SGCZ: variants seen among roughly 807,000 people sequenced by gnomAD.
The protein encoded by SGCZ is sarcoglycan zeta.
In SGCZ, 40 loss-of-function variants were observed where a neutral mutation model predicts 41.3. The ratio of observed to expected loss-of-function variants is 0.97; its 90% CI spans 0.75 to 1.26. The LOEUF (loss-of-function observed/expected upper bound fraction) is 1.26. Ranked by LOEUF, SGCZ falls within the 50% of genes most tolerant of loss-of-function variation. The pLI is 0.00. For missense variants in SGCZ, 552 were observed against 369.8 expected (o/e 1.49, Z -4.04); for synonymous variants, 206 against 137.5 (o/e 1.50, Z -3.49).
intron 4 of SGCZ, among the ~76,000 whole-genome samples, chr8:14,214,801 T>A (rs1178040102): frequency 3.9e-5 from 6 of 152,068 alleles, no homozygotes; most frequent in Middle Eastern, 3.4e-3. Context: ...ATTTTAGAAA[T>A]CCACTAAGAT....
At chr8:14,272,072 T>G (rs1800084353) in intron 3 of SGCZ, among the ~76,000 whole-genome samples, 2 of 152,160 alleles carry the variant, frequency 1.3e-5, no homozygotes, top group South Asian at 4.1e-4. Flanking sequence ...GGCACAATCT[T>G]GGCTCACTGC....
rs746163558 is a variant in SGCZ, at chr8:14,102,443, C to T, written c.677G>A (p.Ser226Asn). 6.6e-7 allele frequency: 1 copy of T among 1,525,384 alleles called. No homozygotes were observed. Among genetic ancestry groups the T allele is most frequent in the South Asian group, 1.3e-5 (1 of 78,552 alleles). 94.5% of individuals were successfully genotyped at this position (1,525,384 alleles called of 1,614,324 possible). Residue 226 changes from serine to asparagine, a missense_variant, in exon 7 of 8, where the codon AGT (serine) becomes AAT (asparagine). Ser to Asn is a conservative substitution (Grantham distance 46). Coordinates refer to ENST00000382080, the MANE Select transcript of SGCZ (RefSeq NM_139167.4). ...GGCCTTGAAGTCTCCTGCAGCAGCA[C>T]TCACCTGGACCCCACGGGGAGCTTC... ...IMEAPRGVQV[S>N]AAAGDFKATC...
At chr8:14,846,611 A>T (rs1206337503) in intron 1 of SGCZ, among the ~76,000 whole-genome samples, 1 of 151,574 alleles carries the variant, frequency 6.6e-6, no homozygotes, top group African/African-American at 2.4e-5. Flanking sequence ...AAAAATACAT[A>T]CTACTTAAAA....
At chr8:14,954,706 A>G (rs1018582723) in intron 1 of SGCZ, among the ~76,000 whole-genome samples, 1 of 152,132 alleles carries the variant, frequency 6.6e-6, no homozygotes, top group African/African-American at 2.4e-5. Context: ...GAATCTTCCT[A>G]AAACCTCAGA....
chr8:14,503,739 G>A (rs922467219), intron 2 of SGCZ, among the ~76,000 whole-genome samples: 1 of 152,122 alleles, frequency 6.6e-6, no homozygotes, highest in African/African-American at 2.4e-5. Flanking sequence ...CTGCACTCCA[G>A]CCTGGTGACA....
Position 14,619,387 on chromosome 8 carries a change from G to A in SGCZ, c.40-64461C>T, listed in dbSNP as rs534563857. Among the ~76,000 whole-genome samples the A allele has an allele frequency of 2.6e-3, 395 of 152,222 alleles. 2 individuals are homozygous for A. Among genetic ancestry groups the A allele is most frequent in the Non-Finnish European group, 4.8e-3 (325 of 68,018 alleles). On this transcript the variant is annotated intron_variant, in intron 1 of 7. Coordinates refer to ENST00000382080, the MANE Select transcript of SGCZ (RefSeq NM_139167.4). ...CCCTTTGAAAACTGGCACAAGACAC[G>A]GATGCCCTCTCTCACCACTCCTATT...
chr8:14,717,580 G>A (rs1299962576), intron 1 of SGCZ, among the ~76,000 whole-genome samples: 1 of 152,008 alleles, frequency 6.6e-6, no homozygotes, highest in Non-Finnish European at 1.5e-5. Context: ...CAGCTTCATG[G>A]GTATGCAAAC....
chr8:14,767,585 T>C (rs1031392905), intron 1 of SGCZ, among the ~76,000 whole-genome samples: 2 of 152,248 alleles, frequency 1.3e-5, no homozygotes, highest in African/African-American at 4.8e-5. Flanking sequence ...TAAATCTTCC[T>C]CTCTGCTTTC....
intron 2 of SGCZ, among the ~76,000 whole-genome samples, chr8:14,487,334 A>T (rs995720096): frequency 1.2e-4 from 18 of 152,186 alleles, no homozygotes; most frequent in African/African-American, 4.1e-4. Context: ...GTTGATTTTT[A>T]AAAAATAATA....
At chr8:14,720,780 G>C (rs1424581534) in intron 1 of SGCZ, among the ~76,000 whole-genome samples, 2 of 152,026 alleles carry the variant, frequency 1.3e-5, no homozygotes, top group African/African-American at 4.8e-5. Context: ...CATTTAAAAA[G>C]GAAATTTGCT....
rs552171293 is a variant in SGCZ, at chr8:15,070,636, A to C, written c.39+166949T>G. Among the ~76,000 whole-genome samples, 3 of 152,264 alleles carry C rather than the reference A, an allele frequency of 2.0e-5. No individual in the cohort carries two copies. In the South Asian group the frequency reaches 6.2e-4, roughly 32 times the overall value. On this transcript the variant is annotated intron_variant, in intron 1 of 7. Coordinates refer to ENST00000382080, the MANE Select transcript of SGCZ (RefSeq NM_139167.4). The stretch of plus-strand genomic sequence containing the variant: ...AGCTTGCATATGAAAATTTATTGCA[A>C]ATGGATTTTTACAGCACAGGGATGT...
chr8:14,759,125 G>A (rs1212775080), intron 1 of SGCZ, among the ~76,000 whole-genome samples: 1 of 151,976 alleles, frequency 6.6e-6, no homozygotes, highest in African/African-American at 2.4e-5. Context: ...TATAAATACT[G>A]ACAACTAAGA....
intron 1 of SGCZ, among the ~76,000 whole-genome samples, chr8:15,207,993 G>C (rs1801123101): frequency 6.6e-6 from 1 of 152,180 alleles, no homozygotes; most frequent in Non-Finnish European, 1.5e-5. Flanking sequence ...CCTGCTTTCA[G>C]ATTTCTCCAA....
intron 4 of SGCZ, among the ~76,000 whole-genome samples, chr8:14,186,828 AG>A (rs1417943804): frequency 6.6e-6 from 1 of 152,228 alleles, no homozygotes; most frequent in Non-Finnish European, 1.5e-5. Context: ...ACATATTGCT[AG>A]GCTACAGGGT....
intron 1 of SGCZ, among the ~76,000 whole-genome samples, chr8:15,127,535 C>A (rs1807751031): frequency 6.6e-6 from 1 of 152,102 alleles, no homozygotes; most frequent in South Asian, 2.1e-4. Flanking sequence ...TTTCTTCACA[C>A]ACATAAAATT....
chr8:14,728,434 A>G (rs909149200), intron 1 of SGCZ, among the ~76,000 whole-genome samples: 12 of 151,996 alleles, frequency 7.9e-5, no homozygotes, highest in South Asian at 2.1e-4. Context: ...AAAAGCAAAC[A>G]AAAATATCTT....
intron 1 of SGCZ, among the ~76,000 whole-genome samples, chr8:14,993,772 GA>G (rs1802110072): frequency 6.6e-6 from 1 of 152,140 alleles, no homozygotes; most frequent in African/African-American, 2.4e-5. Context: ...GAATAATAGG[GA>G]CAAGGTCAAT....
chr8:14,338,154 C>T (rs530132181), intron 2 of SGCZ, among the ~76,000 whole-genome samples: 1 of 152,230 alleles, frequency 6.6e-6, no homozygotes, highest in South Asian at 2.1e-4. Context: ...AAGCTATTGA[C>T]CTTCTTAGCA....
chr8:14,597,746 G>C (rs1332875447), intron 1 of SGCZ, among the ~76,000 whole-genome samples: 2 of 152,100 alleles, frequency 1.3e-5, no homozygotes, highest in Admixed American at 1.3e-4. Context: ...CAAAGTGCTG[G>C]GATTACAGGT....
Sources: allele counts gnomAD v4.1 joint callset (sites outside exome capture counted in the v4.1 genomes callset), GRCh38; gene constraint gnomAD v4.1.1; transcripts MANE v1.5; gene names NCBI Gene and HGNC (gene_info 2026-07-23, HGNC 2026-07-21).